HRH1: variants seen among roughly 807,000 people sequenced by gnomAD.
HRH1 encodes the protein histamine H1 receptor.
HRH1 carries 6 observed loss-of-function variants against 10.3 expected under a neutral mutation model. That is an observed-to-expected ratio of 0.58 (90% confidence interval 0.32 to 1.15). HRH1 has a LOEUF of 1.15. HRH1 is among the 50% of genes most tolerant of loss of function. The pLI is 0.05. For synonymous variants in HRH1, 242 were observed against 236.7 expected (o/e 1.02, Z -0.21); for missense variants, 514 against 615.3 (o/e 0.84, Z 1.74).
chr3:11,138,702 G>T (rs925289875), intron 1 of HRH1, among the ~76,000 whole-genome samples: 3 of 132,050 alleles, frequency 2.3e-5, no homozygotes, highest in Admixed American at 8.6e-5. Context: ...GTTCATAGCT[G>T]AATTTTTTTT....
At chr3:11,224,822 TGGG>T (rs1938830741) in intron 1 of HRH1, among the ~76,000 whole-genome samples, 1 of 151,310 alleles carries the variant, frequency 6.6e-6, no homozygotes, top group African/African-American at 2.4e-5. Context: ...ATCTGAAAAA[TGGG>T]GGTGATAATT....
At chr3:11,171,835 C>G (rs893185199) in intron 1 of HRH1, among the ~76,000 whole-genome samples, 1 of 152,228 alleles carries the variant, frequency 6.6e-6, no homozygotes, top group African/African-American at 2.4e-5. Flanking sequence ...TCTGTTGTCT[C>G]ATCTGAAGCA....
chr3:11,236,272 C>T (rs2152576622), intron 1 of HRH1, among the ~76,000 whole-genome samples: 1 of 152,248 alleles, frequency 6.6e-6, no homozygotes, highest in South Asian at 2.1e-4. Flanking sequence ...CTACTAAATA[C>T]GTAAAAATTA....
At chr3:11,247,375 G>A (rs1193084210) in intron 1 of HRH1, among the ~76,000 whole-genome samples, 1 of 152,174 alleles carries the variant, frequency 6.6e-6, no homozygotes. Context: ...GATCGCAAGA[G>A]CACACTGAGC....
At chr3:11,250,301 C>T (rs1367516902) in intron 1 of HRH1, among the ~76,000 whole-genome samples, 2 of 150,510 alleles carry the variant, frequency 1.3e-5, no homozygotes, top group Non-Finnish European at 3.0e-5. Flanking sequence ...CCTCGTGATC[C>T]GTCCGTCTCG....
At chr3:11,177,724 A>G (rs965324528) in intron 1 of HRH1, among the ~76,000 whole-genome samples, 3 of 152,238 alleles carry the variant, frequency 2.0e-5, no homozygotes, top group African/African-American at 7.2e-5. Flanking sequence ...CATCCCAGGC[A>G]TTAATCAATG....
At chr3:11,230,843 TATA>T (rs1679028102) in intron 1 of HRH1, among the ~76,000 whole-genome samples, 1 of 151,572 alleles carries the variant, frequency 6.6e-6, no homozygotes, top group Non-Finnish European at 1.5e-5. Context: ...TAGGAAATAA[TATA>T]GAGGAATCCT....
In HRH1 at chr3:11,260,313, C is replaced by A; in HGVS notation, c.1276C>A (p.Leu426Ile). The A allele has an allele frequency of 6.2e-7, 1 of 1,614,160 alleles. No homozygotes were observed. Among genetic ancestry groups the A allele is most frequent in the Non-Finnish European group, 8.5e-7 (1 of 1,180,006 alleles). ...GGGTTTTATCATGGCAGCCTTCATC[C>A]TCTGCTGGATCCCTTATTTCATCTT... ...QLGFIMAAFILCWIPYFIFFM... is the reference protein window; with the variant it reads ...QLGFIMAAFIICWIPYFIFFM... The change falls in exon 2 of 2, where the codon CTC becomes ATC. Residue 426 changes from leucine (L) to isoleucine (I), a missense_variant. Coordinates refer to ENST00000431010, the MANE Select transcript of HRH1 (RefSeq NM_001098212.2).
At chr3:11,254,854 G>C (rs909748376) in intron 1 of HRH1, among the ~76,000 whole-genome samples, 10 of 152,250 alleles carry the variant, frequency 6.6e-5, no homozygotes, top group African/African-American at 2.4e-4. Context: ...ACACCAAGCA[G>C]GGTAGGGCAG....
intron 1 of HRH1, among the ~76,000 whole-genome samples, chr3:11,202,572 C>G (rs1296264086): frequency 3.3e-5 from 5 of 152,068 alleles, no homozygotes; most frequent in Non-Finnish European, 7.4e-5. Flanking sequence ...ATCCCCTAGC[C>G]AAGATGTTTT....
At chr3:11,188,248 A>T (rs560158993) in intron 1 of HRH1, among the ~76,000 whole-genome samples, 1 of 152,356 alleles carries the variant, frequency 6.6e-6, no homozygotes, top group East Asian at 1.9e-4. Flanking sequence ...GATTGATTAT[A>T]TGTAAAGACC....
At chr3:11,195,331 G>A (rs1937621158) in intron 1 of HRH1, among the ~76,000 whole-genome samples, 1 of 152,178 alleles carries the variant, frequency 6.6e-6, no homozygotes, top group Non-Finnish European at 1.5e-5. Context: ...AACTCAAACT[G>A]CCAACGTGAG....
chr3:11,255,561 C>T (rs1188047876), intron 1 of HRH1, among the ~76,000 whole-genome samples: 1 of 152,218 alleles, frequency 6.6e-6, no homozygotes, highest in African/African-American at 2.4e-5. Flanking sequence ...ACACCCATGA[C>T]ACAGCAACAG....
intron 1 of HRH1, among the ~76,000 whole-genome samples, chr3:11,206,416 C>T (rs1938128774): frequency 6.6e-6 from 1 of 152,248 alleles, no homozygotes; most frequent in African/African-American, 2.4e-5. Flanking sequence ...CCACGCCAAG[C>T]GTGTTTTCAC....
At chr3:11,140,808 T>C (rs1936277434) in intron 1 of HRH1, among the ~76,000 whole-genome samples, 1 of 152,136 alleles carries the variant, frequency 6.6e-6, no homozygotes, top group African/African-American at 2.4e-5. Context: ...CAGGTGTGAT[T>C]CCATGGAATT....
At chr3:11,163,175 C>T (rs1446955137) in intron 1 of HRH1, among the ~76,000 whole-genome samples, 25 of 152,134 alleles carry the variant, frequency 1.6e-4, no homozygotes, top group Admixed American at 1.6e-3. Flanking sequence ...CCCCACTGTG[C>T]ATCACCCCAT....
In HRH1 at chr3:11,229,116, T is replaced by G. The variant is rs531848508; in HGVS notation, c.-35-29887T>G. On this transcript the variant is annotated intron_variant, in intron 1 of 1. Transcript: ENST00000431010. ...TTCCCTCTGCCTCCCTCCCTTCCTT[T>G]TTCTTCCCATCTTCTTTATCAACCT... 6.1e-3 allele frequency among the ~76,000 whole-genome samples: 924 copies of G among 152,316 alleles called. 10 individuals are homozygous for G. Among genetic ancestry groups the G allele is most frequent in the Non-Finnish European group, 9.2e-3 (625 of 68,032 alleles).
intron 1 of HRH1, among the ~76,000 whole-genome samples, chr3:11,251,151 A>G (rs949090590): frequency 3.3e-5 from 5 of 152,126 alleles, no homozygotes; most frequent in Non-Finnish European, 5.9e-5. Flanking sequence ...TTAGGTGGAA[A>G]ATGGGTGCTG....
intron 1 of HRH1, among the ~76,000 whole-genome samples, chr3:11,248,275 A>C (rs1939543569): frequency 6.6e-6 from 1 of 152,212 alleles, no homozygotes; most frequent in South Asian, 2.1e-4. Context: ...TGTTGATTAT[A>C]ATAGATATAA....
Sources: gnomAD v4.1 joint callset for allele counts (sites outside exome capture counted in the v4.1 genomes callset) on GRCh38, gnomAD v4.1.1 for gene constraint, MANE v1.5 for transcripts, NCBI Gene and HGNC (gene_info 2026-07-23, HGNC 2026-07-21) for gene names.